The following SIPA1L3 variants were observed in gnomAD, a reference collection of about 807,000 sequenced individuals.
SIPA1L3 encodes the protein signal-induced proliferation-associated 1-like protein 3.
A neutral mutation model predicts 150.1 loss-of-function variants in SIPA1L3; 59 were observed. That is an observed-to-expected ratio of 0.39 (90% confidence interval 0.32 to 0.49). The LOEUF (loss-of-function observed/expected upper bound fraction) is 0.49. SIPA1L3 is among the 20% of genes least tolerant of loss of function. The pLI is 0.86. For missense variants in SIPA1L3, 2,211 were observed against 2,489.5 expected, an observed-to-expected ratio of 0.89 and a Z score of 2.38; for synonymous variants, 1,070 against 1,077.6, an observed-to-expected ratio of 0.99 and a Z score of 0.14.
intron 18 of SIPA1L3, among the ~76,000 whole-genome samples, chr19:38,196,795 G>A (rs1253219657): frequency 3.3e-5 from 5 of 152,086 alleles, no homozygotes; most frequent in Non-Finnish European, 7.4e-5. Context: ...GCTGAGGGAC[G>A]AGCCAGGAGG....
chr19:38,071,477 C>T (rs1424757371), intron 2 of SIPA1L3, among the ~76,000 whole-genome samples: 3 of 152,072 alleles, frequency 2.0e-5, no homozygotes, highest in Non-Finnish European at 2.9e-5. Flanking sequence ...TTAGTGGACA[C>T]GGGGTTTTAC....
chr19:38,057,228 A>G (rs1419467461), intron 2 of SIPA1L3, among the ~76,000 whole-genome samples: 1 of 151,474 alleles, frequency 6.6e-6, no homozygotes, highest in Non-Finnish European at 1.5e-5. Context: ...CTGAAATCCC[A>G]CCACTGCATT....
At chr19:37,935,146 A>G (rs1449725884) in intron 1 of SIPA1L3, among the ~76,000 whole-genome samples, 4 of 152,196 alleles carry the variant, frequency 2.6e-5, no homozygotes, top group Admixed American at 6.5e-5. Flanking sequence ...GAGGGTTCTC[A>G]CCAAGTCCAG....
In SIPA1L3 at chr19:38,198,103, G is replaced by A. The variant is rs118058423; in HGVS notation, c.4841-286G>A. On this transcript the variant is annotated intron_variant, in intron 18 of 21. Coordinates refer to ENST00000222345, the MANE Select transcript of SIPA1L3 (RefSeq NM_015073.3). The stretch of plus-strand genomic sequence containing the variant: ...GGCACACTCCTGCCTCAGGGATTTA[G>A]CACTGGCTGTTCCGTCTGCCTGGAA... Among the ~76,000 whole-genome samples the A allele has an allele frequency of 0.023, 3,537 of 152,310 alleles. 73 individuals are homozygous for A. The highest frequency in any genetic ancestry group is 0.034 in the Non-Finnish European group (2,341 of 68,020).
At chr19:38,085,994 C>T (rs1160233343) in intron 3 of SIPA1L3, among the ~76,000 whole-genome samples, 1 of 151,372 alleles carries the variant, frequency 6.6e-6, no homozygotes, top group Non-Finnish European at 1.5e-5. Flanking sequence ...AGACTCTGTC[C>T]CCTCAACCAA....
At chr19:37,914,723 T>G (rs1349660463) in intron 1 of SIPA1L3, among the ~76,000 whole-genome samples, 1 of 152,134 alleles carries the variant, frequency 6.6e-6, no homozygotes, top group Admixed American at 6.6e-5. Flanking sequence ...CAGGCTGATC[T>G]TGAACTTCTG....
At chr19:38,053,947 T>A (rs888773633) in intron 2 of SIPA1L3, among the ~76,000 whole-genome samples, 2 of 150,306 alleles carry the variant, frequency 1.3e-5, no homozygotes, top group Non-Finnish European at 3.0e-5. Context: ...CCGCAATTAC[T>A]TTTGCACCAA....
intron 15 of SIPA1L3, among the ~76,000 whole-genome samples, chr19:38,182,206 G>A (rs1191921171): frequency 6.6e-6 from 1 of 151,922 alleles, no homozygotes; most frequent in African/African-American, 2.4e-5. Flanking sequence ...GTCGAGATGG[G>A]CAGGAGGTAA....
chr19:38,144,638 C>T (rs557865550), intron 12 of SIPA1L3, among the ~76,000 whole-genome samples: 1 of 152,350 alleles, frequency 6.6e-6, no homozygotes, highest in Non-Finnish European at 1.5e-5. Context: ...CCCACTGTTT[C>T]TTCTTCTAGT....
intron 15 of SIPA1L3, among the ~76,000 whole-genome samples, chr19:38,165,410 G>T (rs556590936): frequency 5.6e-4 from 85 of 152,244 alleles, no homozygotes; most frequent in African/African-American, 1.8e-3. Context: ...CTCCCTGCTC[G>T]GCATCTTTAC....
chr19:38,071,961 A>G (rs1399742402), intron 2 of SIPA1L3, among the ~76,000 whole-genome samples: 1 of 152,238 alleles, frequency 6.6e-6, no homozygotes. Context: ...GGTGATGTCA[A>G]GTAATCAGGT....
At chr19:38,056,020 G>A (rs967068794) in intron 2 of SIPA1L3, among the ~76,000 whole-genome samples, 3 of 152,150 alleles carry the variant, frequency 2.0e-5, no homozygotes, top group East Asian at 1.9e-4. Flanking sequence ...TCTCCCTCCC[G>A]CTCGAGTCTG....
chr19:38,166,705 C>T (rs1438566170), intron 15 of SIPA1L3, among the ~76,000 whole-genome samples: 1 of 152,132 alleles, frequency 6.6e-6, no homozygotes, highest in Non-Finnish European at 1.5e-5. Context: ...CACAGCCCCA[C>T]ATCCCTTCCT....
chr19:37,959,817 C>CT (rs34291572), intron 1 of SIPA1L3, among the ~76,000 whole-genome samples: 37,427 of 128,670 alleles, frequency 0.29, 6,028 homozygotes, highest in East Asian at 0.6. Flanking sequence ...AAAAAACTTT[C>CT]TTTTTTTTTT....
At chr19:37,973,618 A>G (rs1160215683) in intron 1 of SIPA1L3, among the ~76,000 whole-genome samples, 2 of 143,438 alleles carry the variant, frequency 1.4e-5, no homozygotes, top group South Asian at 2.3e-4. Context: ...TGCTGCTCGC[A>G]TGACGAAGAA....
chr19:38,106,773 T>C, intron 7 of SIPA1L3, 133 bp downstream of exon 7: 2 of 647,936 alleles, frequency 3.1e-6, no homozygotes, highest in Non-Finnish European at 5.5e-6. Flanking sequence ...ATGGTCACTT[T>C]CCCTGGGGGT....
chr19:38,136,198 A>AAAAT (rs1971432560), intron 10 of SIPA1L3, among the ~76,000 whole-genome samples: 1 of 150,142 alleles, frequency 6.7e-6, no homozygotes, highest in Non-Finnish European at 1.5e-5. Flanking sequence ...AAAAAAAAAA[A>AAAAT]AAAAAAAAGA....
At chr19:38,107,460 A>C (rs1970648804) in intron 7 of SIPA1L3, among the ~76,000 whole-genome samples, 1 of 152,196 alleles carries the variant, frequency 6.6e-6, no homozygotes, top group African/African-American at 2.4e-5. Flanking sequence ...CCAAACACTC[A>C]TTGCCAAGAG....
intron 1 of SIPA1L3, among the ~76,000 whole-genome samples, chr19:37,987,220 G>T (rs1157449812): frequency 6.6e-6 from 1 of 152,062 alleles, no homozygotes; most frequent in Admixed American, 6.6e-5. Context: ...GAGCCACCGC[G>T]CCCGGACACA....
Sources: gnomAD v4.1 joint callset for allele counts (sites outside exome capture counted in the v4.1 genomes callset) on GRCh38, gnomAD v4.1.1 for gene constraint, MANE v1.5 for transcripts, NCBI Gene and HGNC (gene_info 2026-07-23, HGNC 2026-07-21) for gene names.